CALCR: variants seen among roughly 807,000 people sequenced by gnomAD.
CALCR encodes the protein calcitonin receptor.
In CALCR, 47 loss-of-function variants were observed where a neutral mutation model predicts 59.5. The observed-to-expected ratio is 0.79, with a 90% confidence interval of 0.63 to 1.01. CALCR has a LOEUF of 1.01. Among genes scored for constraint, CALCR ranks in the 50% least tolerant of loss-of-function variants. The pLI is 0.00. For missense variants in CALCR, 566 were observed against 597.1 expected, an observed-to-expected ratio of 0.95 and a Z score of 0.54; for synonymous variants, 213 against 211.3, an observed-to-expected ratio of 1.01 and a Z score of -0.07.
chr7:93,469,802 T>G (rs1800515678), intron 6 of CALCR, among the ~76,000 whole-genome samples: 1 of 151,826 alleles, frequency 6.6e-6, no homozygotes, highest in African/African-American at 2.4e-5. Context: ...TTGTTGGGTC[T>G]TGGTATGAAT....
intron 2 of CALCR, among the ~76,000 whole-genome samples, chr7:93,514,003 A>G (rs1266562197): frequency 6.6e-6 from 1 of 152,028 alleles, no homozygotes; most frequent in Non-Finnish European, 1.5e-5. Flanking sequence ...TTGCAATCCA[A>G]GATAAGGAAA....
chr7:93,478,860 T>TGTCTG (rs1439023702), intron 4 of CALCR, among the ~76,000 whole-genome samples: 1 of 151,712 alleles, frequency 6.6e-6, no homozygotes, highest in Non-Finnish European at 1.5e-5. Context: ...AGATAAACAA[T>TGTCTG]GTCTGGCTAG....
chr7:93,444,932 A>G (rs1799981212), intron 8 of CALCR, among the ~76,000 whole-genome samples: 1 of 152,076 alleles, frequency 6.6e-6, no homozygotes, highest in African/African-American at 2.4e-5. Context: ...TTTCCGAACC[A>G]TATATTTTAT....
At chr7:93,554,953 A>T (rs1256149856) in intron 2 of CALCR, among the ~76,000 whole-genome samples, 1 of 151,782 alleles carries the variant, frequency 6.6e-6, no homozygotes, top group Non-Finnish European at 1.5e-5. Flanking sequence ...CTGAAGCATG[A>T]GAAAATTAAA....
chr7:93,495,766 C>A (rs1801187174), intron 2 of CALCR: 2 of 782,528 alleles, frequency 2.6e-6, no homozygotes, highest in Non-Finnish European at 4.1e-6. Flanking sequence ...AGACCCTAAA[C>A]CAGATCAATG....
intron 2 of CALCR, among the ~76,000 whole-genome samples, chr7:93,519,473 T>C (rs950622847): frequency 2.5e-4 from 38 of 152,068 alleles, no homozygotes; most frequent in Non-Finnish European, 1.2e-4. Context: ...TGATAGTCTG[T>C]CTTTATATTA....
intron 2 of CALCR, among the ~76,000 whole-genome samples, chr7:93,540,417 T>C (rs1053385604): frequency 7.2e-5 from 11 of 152,178 alleles, no homozygotes; most frequent in African/African-American, 2.2e-4. Context: ...AAAATTTTGT[T>C]TGAATTGAGA....
intron 2 of CALCR, among the ~76,000 whole-genome samples, chr7:93,514,801 A>T (rs1801616328): frequency 6.6e-6 from 1 of 152,070 alleles, no homozygotes; most frequent in South Asian, 2.1e-4. Flanking sequence ...AGATAATCCT[A>T]AAAGTTCTAT....
chr7:93,553,563 A>C (rs2188800), intron 2 of CALCR, among the ~76,000 whole-genome samples: 102,359 of 151,790 alleles, frequency 0.67, 35,994 homozygotes, highest in African/African-American at 0.89. Flanking sequence ...TTCCTGACAG[A>C]TCTGTCAATA....
At chr7:93,558,805 T>A (rs1789670216) in intron 2 of CALCR, among the ~76,000 whole-genome samples, 1 of 151,988 alleles carries the variant, frequency 6.6e-6, no homozygotes, top group East Asian at 1.9e-4. Context: ...GTATGTCAAA[T>A]GAGATCCCGG....
At chr7:93,529,640 T>A (rs997466325) in intron 2 of CALCR, among the ~76,000 whole-genome samples, 1 of 152,170 alleles carries the variant, frequency 6.6e-6, no homozygotes, top group African/African-American at 2.4e-5. Flanking sequence ...CTTTATTTCT[T>A]CTAATTTCAT....
chr7:93,532,435 G>A (rs1788863152), intron 2 of CALCR, among the ~76,000 whole-genome samples: 1 of 152,030 alleles, frequency 6.6e-6, no homozygotes. Flanking sequence ...GCCTTAGGCA[G>A]AGTAGAGTAA....
chr7:93,498,475 C>G (rs952379485), intron 2 of CALCR, among the ~76,000 whole-genome samples: 3 of 151,640 alleles, frequency 2.0e-5, no homozygotes, highest in Admixed American at 6.6e-5. Context: ...GCATTGTAAC[C>G]TCACGTATAC....
At chr7:93,560,556 T>A (rs944109867) in intron 2 of CALCR, among the ~76,000 whole-genome samples, 1 of 152,144 alleles carries the variant, frequency 6.6e-6, no homozygotes, top group Non-Finnish European at 1.5e-5. Context: ...TCTTTACAAT[T>A]TTAATTTATA....
At chr7:93,484,389 C>T (rs1246160614) in intron 3 of CALCR, among the ~76,000 whole-genome samples, 1 of 151,692 alleles carries the variant, frequency 6.6e-6, no homozygotes, top group Non-Finnish European at 1.5e-5. Flanking sequence ...AGTGTATGGA[C>T]CCAAGCTGCT....
intron 2 of CALCR, among the ~76,000 whole-genome samples, chr7:93,553,000 C>T (rs1024329133): frequency 6.6e-6 from 1 of 152,138 alleles, no homozygotes; most frequent in Non-Finnish European, 1.5e-5. Flanking sequence ...GGTAAAACAA[C>T]AACGTATCCA....
intron 2 of CALCR, among the ~76,000 whole-genome samples, chr7:93,551,545 T>C (rs1005258942): frequency 6.6e-5 from 10 of 152,192 alleles, no homozygotes; most frequent in Non-Finnish European, 1.3e-4. Flanking sequence ...AATACGATAG[T>C]AACTTTATTT....
chr7:93,462,093 A>G (rs1800348844), intron 7 of CALCR: 1 of 1,503,190 alleles, frequency 6.7e-7, no homozygotes, highest in East Asian at 2.4e-5. Flanking sequence ...ATTCAAAGGA[A>G]AAATAGTTGT....
At chr7:93,459,474 G>T (rs1230368662) in intron 8 of CALCR, among the ~76,000 whole-genome samples, 3 of 152,206 alleles carry the variant, frequency 2.0e-5, no homozygotes, top group African/African-American at 7.2e-5. Context: ...TAATACCAGG[G>T]ACTGATATCA....
Sources: allele counts gnomAD v4.1 joint callset (sites outside exome capture counted in the v4.1 genomes callset), GRCh38; gene constraint gnomAD v4.1.1; transcripts MANE v1.5; gene names NCBI Gene and HGNC (gene_info 2026-07-23, HGNC 2026-07-21).